Variants in C11orf65 observed in about 807,000 individuals in gnomAD.
The protein encoded by C11orf65 is protein MFI.
A neutral mutation model predicts 35.3 loss-of-function variants in C11orf65; 38 were observed. The ratio of observed to expected loss-of-function variants is 1.08; its 90% CI spans 0.83 to 1.41. C11orf65 has a LOEUF of 1.41. Among genes scored for constraint, C11orf65 ranks in the 40% most tolerant of loss-of-function variants. The pLI is 0.00. For synonymous variants in C11orf65, 105 were observed against 114.4 expected, an observed-to-expected ratio of 0.92 and a Z score of 0.53; for missense variants, 370 against 367.1, an observed-to-expected ratio of 1.01 and a Z score of -0.06.
chr11:108,466,431 G>T (rs1565738255), intron 1 of C11orf65, among the ~76,000 whole-genome samples: 2 of 151,998 alleles, frequency 1.3e-5, no homozygotes, highest in Non-Finnish European at 2.9e-5. Context: ...AAAATAAACT[G>T]GGTGTGGTGG....
At chr11:108,324,301 G>A (rs2085447041) in intron 6 of C11orf65, among the ~76,000 whole-genome samples, 1 of 152,056 alleles carries the variant, frequency 6.6e-6, no homozygotes, top group Non-Finnish European at 1.5e-5. Flanking sequence ...TTATCAAGGT[G>A]TCTTGGAACC....
chr11:108,394,331 T>C (rs2092254412), intron 6 of C11orf65, among the ~76,000 whole-genome samples: 1 of 151,912 alleles, frequency 6.6e-6, no homozygotes, highest in Admixed American at 6.6e-5. Flanking sequence ...TTTTGGAGAC[T>C]GAGTCAGGAA....
At chr11:108,445,930 G>A (rs1297965988) in intron 2 of C11orf65, among the ~76,000 whole-genome samples, 1 of 152,286 alleles carries the variant, frequency 6.6e-6, no homozygotes, top group African/African-American at 2.4e-5. Flanking sequence ...GTGCTTAAAG[G>A]AGCTGATGGA....
downstream of C11orf65, chr11:108,329,389 G>A: frequency 1.3e-6 from 1 of 741,684 alleles, no homozygotes; most frequent in Non-Finnish European, 2.2e-6. Flanking sequence ...TGGTCTTTTG[G>A]GTTCTTTTCG....
At chr11:108,316,765 A>AAC (rs1415471286) in intron 6 of C11orf65, among the ~76,000 whole-genome samples, 5 of 148,710 alleles carry the variant, frequency 3.4e-5, no homozygotes, top group Non-Finnish European at 6.0e-5. Context: ...AAAAAAAAAA[A>AAC]AAAAAAAAAA....
chr11:108,354,080 C>CACACACAT lies in C11orf65; in HGVS notation c.227-18789_227-18788insATGTGTGT, dbSNP rs1555143111. Among the ~76,000 whole-genome samples the CACACACAT allele has an allele frequency of 1.6e-3, 236 of 149,936 alleles. 2 individuals carry two copies. Among genetic ancestry groups the CACACACAT allele is most frequent in the African/African-American group, 5.8e-3 (233 of 40,082 alleles). ...AAATACACACACACAAACACACACA[C>CACACACAT]ACACACACACACACACACACACACA... On this transcript the variant is annotated intron_variant, in intron 2 of 3. Coordinates refer to the C11orf65 transcript ENST00000524755.
chr11:108,348,264 A>G (rs1383479961), intron 2 of C11orf65, among the ~76,000 whole-genome samples: 1 of 151,846 alleles, frequency 6.6e-6, no homozygotes, highest in Non-Finnish European at 1.5e-5. Context: ...GAGAATATAT[A>G]TAGCTAAGGA....
chr11:108,317,863 T>G (rs117338998), intron 6 of C11orf65, among the ~76,000 whole-genome samples: 2,972 of 151,676 alleles, frequency 0.02, 39 homozygotes, highest in Middle Eastern at 0.034. Flanking sequence ...CCCCTAAATA[T>G]TTCTAAAAAC....
intron 2 of C11orf65, among the ~76,000 whole-genome samples, chr11:108,370,398 T>C (rs1243507481): frequency 6.6e-6 from 1 of 151,994 alleles, no homozygotes; most frequent in East Asian, 1.9e-4. Context: ...TCTATGTATA[T>C]AATCATATCA....
chr11:108,318,973 C>T (rs567713979), intron 6 of C11orf65, among the ~76,000 whole-genome samples: 1 of 152,018 alleles, frequency 6.6e-6, no homozygotes, highest in South Asian at 2.1e-4. Flanking sequence ...GTTAGGAATT[C>T]AAGACAAGCT....
rs1038164277 is a variant in C11orf65 at position 108,395,836 on chromosome 11, T to G, written c.561-2458A>C. On this transcript the variant is annotated intron_variant, in intron 6 of 8. Coordinates refer to ENST00000393084, the MANE Select transcript of C11orf65 (RefSeq NM_152587.5). ...CGGGATTTCACCGTGTGAGCCCGGA[T>G]GGTCTCGATCTCCTGACCTCGTGAT... Among the ~76,000 whole-genome samples, 5 of 151,300 alleles carry G rather than the reference T, an allele frequency of 3.3e-5. No homozygotes were observed. In the East Asian group the frequency reaches 7.8e-4, roughly 23 times the overall value.
chr11:108,405,526 C>T lies in C11orf65; in HGVS notation c.463G>A (p.Asp155Asn). The T allele has an allele frequency of 1.9e-6, 3 of 1,613,180 alleles. No homozygotes were observed. The highest frequency in any genetic ancestry group is 1.7e-6 in the Non-Finnish European group (2 of 1,179,594). Reference protein sequence around the residue: ...WLSTDGMVVEDKKESEFHFSK... With the variant: ...WLSTDGMVVENKKESEFHFSK... ...AAATGGAATTCACTTTCCTTTTTGTCTTCCACCACCATACCATCAGTAGAT... is the reference window on the plus strand; with the variant it reads ...AAATGGAATTCACTTTCCTTTTTGTTTTCCACCACCATACCATCAGTAGAT... The change falls in exon 6 of 9, where the codon GAC becomes AAC. Residue 155 changes from aspartate (D) to asparagine (N), a missense_variant. Coordinates refer to ENST00000393084, the MANE Select transcript of C11orf65 (RefSeq NM_152587.5).
intron 2 of C11orf65, among the ~76,000 whole-genome samples, chr11:108,440,243 A>T (rs755925695): frequency 6.6e-6 from 1 of 152,232 alleles, no homozygotes; most frequent in African/African-American, 2.4e-5. Context: ...AGCTGTTCTA[A>T]TCATCTATTA....
At chr11:108,399,938 T>C (rs992355268) in intron 6 of C11orf65, among the ~76,000 whole-genome samples, 1 of 152,122 alleles carries the variant, frequency 6.6e-6, no homozygotes, top group Non-Finnish European at 1.5e-5. Flanking sequence ...ACCCTAGAGG[T>C]CTGTGCTGTG....
intron 2 of C11orf65, among the ~76,000 whole-genome samples, chr11:108,364,598 G>A (rs1446744042): frequency 6.6e-6 from 1 of 152,184 alleles, no homozygotes; most frequent in East Asian, 1.9e-4. Flanking sequence ...GGAATAGGGT[G>A]GAGATCAGAA....
At chr11:108,402,196 G>A (rs912168091) in intron 6 of C11orf65, among the ~76,000 whole-genome samples, 5 of 152,146 alleles carry the variant, frequency 3.3e-5, no homozygotes, top group Admixed American at 3.3e-4. Flanking sequence ...AGTGTGTGTG[G>A]CAACTGTGCC....
At chr11:108,460,045 G>C (rs1315143449) in intron 2 of C11orf65, among the ~76,000 whole-genome samples, 1 of 152,078 alleles carries the variant, frequency 6.6e-6, no homozygotes, top group Non-Finnish European at 1.5e-5. Flanking sequence ...GAGGTTGGAG[G>C]ATCACTTGAG....
chr11:108,364,938 A>G (rs938913192), intron 2 of C11orf65: 3 of 872,660 alleles, frequency 3.4e-6, no homozygotes, highest in African/African-American at 3.4e-5. Flanking sequence ...TCCTCAAGGA[A>G]ACATGAAGTG....
chr11:108,395,173 T>G (rs1003982621), intron 6 of C11orf65, among the ~76,000 whole-genome samples: 22 of 151,154 alleles, frequency 1.5e-4, no homozygotes, highest in Non-Finnish European at 3.1e-4. Context: ...CTCCTAGCAT[T>G]CTTGAGAGGT....
Sources: allele counts gnomAD v4.1 joint callset (sites outside exome capture counted in the v4.1 genomes callset), GRCh38; gene constraint gnomAD v4.1.1; transcripts MANE v1.5; gene names NCBI Gene and HGNC (gene_info 2026-07-23, HGNC 2026-07-21).